Variants in SOCS5 observed in about 807,000 individuals in gnomAD.
SOCS5 encodes CIS-6.
Under a neutral mutation model 42.8 loss-of-function variants are expected in SOCS5, and 32 were observed. The ratio of observed to expected loss-of-function variants is 0.75; its 90% CI spans 0.56 to 1.01. The LOEUF is 1.01. SOCS5 is among the 50% of genes least tolerant of loss of function. SOCS5 has a pLI of 0.00. For synonymous variants in SOCS5, 283 were observed against 229.6 expected, an observed-to-expected ratio of 1.23 and a Z score of -2.10; for missense variants, 627 against 653.0, an observed-to-expected ratio of 0.96 and a Z score of 0.43.
intron 1 of SOCS5, among the ~76,000 whole-genome samples, chr2:46,737,650 C>A (rs1673282490): frequency 6.6e-6 from 1 of 152,096 alleles, no homozygotes; most frequent in Non-Finnish European, 1.5e-5. Context: ...TCAGATAATT[C>A]ATGCATTTAC....
At chr2:46,729,653 G>A (rs1371149337) in intron 1 of SOCS5, among the ~76,000 whole-genome samples, 1 of 152,198 alleles carries the variant, frequency 6.6e-6, no homozygotes, top group Non-Finnish European at 1.5e-5. Context: ...AATGGAGCTT[G>A]CAGGACTGGA....
chr2:46,715,751 C>G (rs999611872), intron 1 of SOCS5, among the ~76,000 whole-genome samples: 1 of 152,186 alleles, frequency 6.6e-6, no homozygotes, highest in Admixed American at 6.5e-5. Flanking sequence ...CACTGATTGA[C>G]AGCAACTTTA....
intron 1 of SOCS5, among the ~76,000 whole-genome samples, chr2:46,718,320 A>C (rs1672795472): frequency 6.6e-6 from 1 of 152,170 alleles, no homozygotes; most frequent in South Asian, 2.1e-4. Flanking sequence ...GAAGTTTAGG[A>C]GTTTACTTTT....
At chr2:46,742,949 G>T (rs780997161) in intron 1 of SOCS5, among the ~76,000 whole-genome samples, 15 of 152,098 alleles carry the variant, frequency 9.9e-5, no homozygotes, top group Non-Finnish European at 1.0e-4. Flanking sequence ...CAGGCATGAG[G>T]TTCCACGCCT....
chr2:46,736,602 A>G (rs899481945), intron 1 of SOCS5, among the ~76,000 whole-genome samples: 2 of 152,190 alleles, frequency 1.3e-5, no homozygotes, highest in Admixed American at 1.3e-4. Context: ...GGTTTATTCC[A>G]CTTAGCACAA....
At position 46,760,021 on chromosome 2, in the gene SOCS5, G is replaced by A. The variant is rs1295186433; in HGVS notation, c.1491G>A (p.Thr497=). ...ICRAVICRCT[T]YDGIDGLPLP... ...GCGCGGTAATCTGCAGGTGCACTAC[G>A]TATGATGGAATTGATGGGCTCCCTC... The change falls in exon 2 of 2, where the codon ACG becomes ACA. Residue 497 remains threonine, a synonymous_variant. Coordinates refer to ENST00000394861, the MANE Select transcript of SOCS5 (RefSeq NM_144949.3). 2 of 1,613,978 alleles carry A rather than the reference G, an allele frequency of 1.2e-6. No homozygotes were observed. The highest frequency in any genetic ancestry group is 2.7e-5 in the African/African-American group (2 of 74,906).
intron 1 of SOCS5, among the ~76,000 whole-genome samples, chr2:46,728,150 C>A (rs1159515199): frequency 6.6e-6 from 1 of 152,108 alleles, no homozygotes. Flanking sequence ...CCCCCAAGTC[C>A]AGGTGGCAGG....
At chr2:46,705,326 G>A (rs77010533) in intron 1 of SOCS5, among the ~76,000 whole-genome samples, 1 of 152,264 alleles carries the variant, frequency 6.6e-6, no homozygotes, top group African/African-American at 2.4e-5. Context: ...TCCTCAACCT[G>A]TGCAATCTCA....
chr2:46,700,876 T>TA (rs1672328325), intron 1 of SOCS5, among the ~76,000 whole-genome samples: 1 of 152,200 alleles, frequency 6.6e-6, no homozygotes. Flanking sequence ...AGTAATTTTT[T>TA]ACATTTGTAG....
chr2:46,721,969 C>A (rs188715980), intron 1 of SOCS5, among the ~76,000 whole-genome samples: 34 of 151,668 alleles, frequency 2.2e-4, no homozygotes, highest in South Asian at 1.5e-3. Flanking sequence ...AAAACAGGCA[C>A]ATTCCATATT....
chr2:46,727,400 T>G (rs1411552185), intron 1 of SOCS5, among the ~76,000 whole-genome samples: 2 of 152,214 alleles, frequency 1.3e-5, no homozygotes, highest in Admixed American at 6.5e-5. Flanking sequence ...GTCCTTCATA[T>G]TCTAAGTAAT....
intron 1 of SOCS5, among the ~76,000 whole-genome samples, chr2:46,708,705 G>T (rs1423622697): frequency 1.3e-5 from 2 of 152,114 alleles, no homozygotes; most frequent in Non-Finnish European, 2.9e-5. Flanking sequence ...TTGAAACACT[G>T]TACCAGTTGG....
rs1167820686 is a variant in SOCS5, at chr2:46,761,906, T to G, written c.*1765T>G. 6.0e-6 allele frequency: 1 copy of G among 166,996 alleles called. No homozygotes were observed. Among genetic ancestry groups the G allele is most frequent in the East Asian group, 1.9e-4 (1 of 5,210 alleles). 10.3% of individuals were successfully genotyped at this position (166,996 alleles called of 1,614,324 possible). A position where few individuals can be genotyped will look rare whatever the true frequency, so the allele number is the denominator to read the frequency against. Reference sequence around the variant, plus strand: ...ACCTATTGATTTCTCTGCTTATAAATGAAAGATTGAAACTATCCAATGACA... The same window carrying G: ...ACCTATTGATTTCTCTGCTTATAAAGGAAAGATTGAAACTATCCAATGACA... On this transcript the variant is annotated 3_prime_UTR_variant, in exon 2 of 2. Coordinates refer to ENST00000394861, the MANE Select transcript of SOCS5 (RefSeq NM_144949.3).
intron 1 of SOCS5, among the ~76,000 whole-genome samples, chr2:46,707,421 A>G (rs1285793130): frequency 6.6e-6 from 1 of 152,196 alleles, no homozygotes; most frequent in Non-Finnish European, 1.5e-5. Flanking sequence ...AAATAGTATA[A>G]GAGCGCTCAT....
Position 46,760,055 on chromosome 2 carries a change from A to G in SOCS5, c.1525A>G (p.Met509Val), listed in dbSNP as rs369397825. The change falls in exon 2 of 2, where the codon ATG (methionine) becomes GTG (valine). Residue 509 changes from methionine to valine, a missense_variant. Coordinates refer to ENST00000394861, the MANE Select transcript of SOCS5 (RefSeq NM_144949.3). ...DGIDGLPLPSMLQDFLKEYHY... is the reference protein window; with the variant it reads ...DGIDGLPLPSVLQDFLKEYHY... ...AATTGATGGGCTCCCTCTACCCTCA[A>G]TGTTACAGGATTTTTTAAAAGAGTA... 12 of 1,613,962 alleles carry G rather than the reference A, an allele frequency of 7.4e-6. No homozygotes were observed. The highest frequency in any genetic ancestry group is 6.7e-5 in the African/African-American group (5 of 75,012).
chr2:46,743,779 C>T (rs1673430594), intron 1 of SOCS5, among the ~76,000 whole-genome samples: 1 of 152,094 alleles, frequency 6.6e-6, no homozygotes, highest in Non-Finnish European at 1.5e-5. Context: ...TGGGGGGCAT[C>T]TCCAAATATG....
At chr2:46,753,046 T>C (rs1673658375) in intron 1 of SOCS5, among the ~76,000 whole-genome samples, 1 of 152,218 alleles carries the variant, frequency 6.6e-6, no homozygotes, top group Non-Finnish European at 1.5e-5. Flanking sequence ...CCTTGCTCTC[T>C]TATCATGGAT....
At chr2:46,740,437 GT>G (rs1422493452) in intron 1 of SOCS5, among the ~76,000 whole-genome samples, 1 of 152,152 alleles carries the variant, frequency 6.6e-6, no homozygotes, top group Non-Finnish European at 1.5e-5. Context: ...TGGAGTACTG[GT>G]TACTGTAAGG....
chr2:46,754,633 C>T (rs1673695144), intron 1 of SOCS5, among the ~76,000 whole-genome samples: 1 of 151,618 alleles, frequency 6.6e-6, no homozygotes, highest in Admixed American at 6.6e-5. Context: ...ATTAATATAT[C>T]ATGTACACTG....
Sources: gnomAD v4.1 joint callset for allele counts (sites outside exome capture counted in the v4.1 genomes callset) on GRCh38, gnomAD v4.1.1 for gene constraint, MANE v1.5 for transcripts, NCBI Gene and HGNC (gene_info 2026-07-23, HGNC 2026-07-21) for gene names.